Variants in PCDH11Y observed in about 807,000 individuals in gnomAD.
The protein encoded by PCDH11Y is protocadherin 11 Y-linked.
For missense variants in PCDH11Y, 12 were observed against 224.8 expected (o/e 0.05, Z 6.05); for synonymous variants, 9 against 83.6 (o/e 0.11, Z 4.87).
intron 2 of PCDH11Y, among the ~76,000 whole-genome samples, chrY:5,116,049 T>C: frequency 5.9e-5 from 2 of 33,775 alleles, no homozygotes; most frequent in Admixed American, 2.7e-4. Context: ...CACCACCGAA[T>C]TGTTAAGTTA....
intron 2 of PCDH11Y, among the ~76,000 whole-genome samples, chrY:5,174,093 C>T (rs1602880141): frequency 5.8e-5 from 1 of 17,238 alleles, no homozygotes; most frequent in African/African-American, 2.2e-4. Context: ...ACATATATAT[C>T]AATGTGGTAT....
intron 1 of PCDH11Y, chrY:5,002,731 G>A (rs2052532943): frequency 2.9e-5 from 1 of 34,115 alleles, no homozygotes; most frequent in Non-Finnish European, 7.3e-5. Flanking sequence ...CCGTCTTGAC[G>A]AAAGAACCGA....
intron 2 of PCDH11Y, among the ~76,000 whole-genome samples, chrY:5,485,467 G>A: frequency 6.2e-5 from 2 of 32,208 alleles, no homozygotes; most frequent in Non-Finnish European, 1.5e-4. Context: ...AGACTTCACG[G>A]CACTCATCCT....
intron 4 of PCDH11Y, among the ~76,000 whole-genome samples, chrY:5,723,433 T>A: frequency 3.1e-5 from 1 of 31,883 alleles, no homozygotes; most frequent in Non-Finnish European, 7.7e-5. Flanking sequence ...ACAACTATGA[T>A]AAATTAAGTT....
chrY:5,442,236 A>C (rs2124681899), intron 2 of PCDH11Y, among the ~76,000 whole-genome samples: 2 of 32,974 alleles, frequency 6.1e-5, no homozygotes, highest in Non-Finnish European at 1.5e-4. Context: ...TCATACATAA[A>C]GGTACATGAA....
chrY:5,298,691 T>C, intron 2 of PCDH11Y, among the ~76,000 whole-genome samples: 1 of 33,653 alleles, frequency 3.0e-5, no homozygotes, highest in Non-Finnish European at 7.4e-5. Context: ...TGAATTAGAA[T>C]GACCTGGGGA....
At chrY:5,024,039 G>T in intron 1 of PCDH11Y, among the ~76,000 whole-genome samples, 2 of 32,966 alleles carry the variant, frequency 6.1e-5, no homozygotes, top group Admixed American at 2.8e-4. Flanking sequence ...CAGATATTTG[G>T]AATAAATCTT....
chrY:5,207,509 C>G, intron 2 of PCDH11Y: 1 of 345,287 alleles, frequency 2.9e-6, no homozygotes, highest in Non-Finnish European at 4.2e-6. Flanking sequence ...AACTCTGTCC[C>G]GTCATTCACA....
intron 2 of PCDH11Y, among the ~76,000 whole-genome samples, chrY:5,177,943 G>A (rs2052895614): frequency 3.1e-5 from 1 of 32,300 alleles, no homozygotes; most frequent in Non-Finnish European, 7.6e-5. Context: ...TGCCTGTATC[G>A]AAACATCTTA....
intron 4 of PCDH11Y, among the ~76,000 whole-genome samples, chrY:5,649,627 A>T (rs2053529528): frequency 3.4e-4 from 11 of 32,464 alleles, no homozygotes. Flanking sequence ...CCTTCCTACG[A>T]TGATAGATTT....
chrY:5,048,988 G>C, intron 3 of PCDH11Y, among the ~76,000 whole-genome samples: 1 of 30,244 alleles, frequency 3.3e-5, no homozygotes, highest in Non-Finnish European at 7.9e-5. Context: ...GTCCAGGATG[G>C]AATTCCCTAG....
chrY:5,602,784 C>A, intron 4 of PCDH11Y, among the ~76,000 whole-genome samples: 1 of 29,592 alleles, frequency 3.4e-5, no homozygotes, highest in Admixed American at 3.3e-4. Context: ...TACCTCTCCA[C>A]CTTTTTAATC....
At chrY:5,143,715 C>T in intron 2 of PCDH11Y, among the ~76,000 whole-genome samples, 3 of 32,944 alleles carry the variant, frequency 9.1e-5, no homozygotes, top group Non-Finnish European at 1.5e-4. Context: ...GAGCTCAGAA[C>T]GATTAGCAGA....
intron 2 of PCDH11Y, among the ~76,000 whole-genome samples, chrY:5,310,092 A>G (rs2053097329): frequency 3.8e-5 from 1 of 26,132 alleles, no homozygotes. Context: ...GAATTCTGCC[A>G]TTACTGAACA....
intron 1 of PCDH11Y, among the ~76,000 whole-genome samples, chrY:5,085,344 G>A: frequency 3.0e-5 from 1 of 33,478 alleles, no homozygotes; most frequent in Non-Finnish European, 7.4e-5. Flanking sequence ...TTTTGTTGCC[G>A]TACTATGTCT....
intron 4 of PCDH11Y, among the ~76,000 whole-genome samples, chrY:5,719,140 G>A: frequency 6.1e-5 from 2 of 32,990 alleles, no homozygotes; most frequent in Non-Finnish European, 1.5e-4. Flanking sequence ...ATGGTTTGAA[G>A]TTGGAACTTA....
chrY:5,089,893 C>A, intron 1 of PCDH11Y, among the ~76,000 whole-genome samples: 1 of 33,023 alleles, frequency 3.0e-5, no homozygotes, highest in Non-Finnish European at 7.5e-5. Context: ...TGGTTGAGGT[C>A]TTTTATCAAT....
chrY:5,414,156 T>G (rs2053250998), intron 2 of PCDH11Y, among the ~76,000 whole-genome samples: 1 of 29,996 alleles, frequency 3.3e-5, no homozygotes, highest in African/African-American at 1.3e-4. Flanking sequence ...TTGCTCTAGT[T>G]TCTCTAGCTC....
intron 3 of PCDH11Y, among the ~76,000 whole-genome samples, chrY:5,562,761 C>T: frequency 6.7e-5 from 1 of 14,863 alleles, no homozygotes; most frequent in Non-Finnish European, 1.4e-4. Flanking sequence ...GAGCGAGACT[C>T]CGTCTCAAAA....
Sources: gnomAD v4.1 joint callset for allele counts (sites outside exome capture counted in the v4.1 genomes callset) on GRCh38, gnomAD v4.1.1 for gene constraint, MANE v1.5 for transcripts, NCBI Gene and HGNC (gene_info 2026-07-23, HGNC 2026-07-21) for gene names.